Variants in FOXP2 observed in about 807,000 individuals in gnomAD.
The protein encoded by FOXP2 is forkhead box protein P2.
FOXP2 carries 12 observed loss-of-function variants against 115.8 expected under a neutral mutation model. That is an observed-to-expected ratio of 0.10 (90% CI 0.07 to 0.17). The LOEUF is 0.17. Among genes scored for constraint, FOXP2 ranks in the 10% least tolerant of loss-of-function variants. The pLI is 1.00. For synonymous variants in FOXP2, 328 were observed against 297.7 expected, an observed-to-expected ratio of 1.10 and a Z score of -1.05; for missense variants, 629 against 843.5, an observed-to-expected ratio of 0.75 and a Z score of 3.15.
At chr7:114,411,611 C>T (rs114573342), upstream of FOXP2, among the ~76,000 whole-genome samples, 33 of 152,046 alleles carry the variant, frequency 2.2e-4, no homozygotes, top group African/African-American at 5.8e-4. Flanking sequence ...TAAATGCCAC[C>T]GATTTAGTTT....
chr7:114,172,665 G>A (rs2129153219), intron 1 of FOXP2, among the ~76,000 whole-genome samples: 1 of 152,110 alleles, frequency 6.6e-6, no homozygotes, highest in African/African-American at 2.4e-5. Context: ...ATCTATAGGA[G>A]TACTTTAAAG....
intron 2 of FOXP2, among the ~76,000 whole-genome samples, chr7:114,403,041 C>T (rs1228250888): frequency 6.6e-6 from 1 of 152,154 alleles, no homozygotes; most frequent in Non-Finnish European, 1.5e-5. Flanking sequence ...TCCCTTATCT[C>T]AAGTCCTTGG....
At chr7:114,297,012 G>A (rs1436721862) in intron 2 of FOXP2, 1 of 243,778 alleles carries the variant, frequency 4.1e-6, no homozygotes, top group Non-Finnish European at 8.2e-6. Context: ...TGTTTCACAG[G>A]TGATGATTTA....
intron 2 of FOXP2, among the ~76,000 whole-genome samples, chr7:114,529,734 T>G (rs1799046815): frequency 6.6e-6 from 1 of 151,876 alleles, no homozygotes; most frequent in Non-Finnish European, 1.5e-5. Context: ...TTCACTCTGA[T>G]AGATTGCTAT....
intron 1 of FOXP2, among the ~76,000 whole-genome samples, chr7:114,263,082 A>T (rs145295300): frequency 7.9e-5 from 12 of 152,152 alleles, no homozygotes; most frequent in Non-Finnish European, 1.6e-4. Context: ...TATTTCTTTG[A>T]CCTAATTTTC....
At chr7:114,586,586 CTTTTA>C (rs1441255678) in intron 3 of FOXP2, among the ~76,000 whole-genome samples, 2 of 151,782 alleles carry the variant, frequency 1.3e-5, no homozygotes, top group East Asian at 1.9e-4. Flanking sequence ...GAACTATTTG[CTTTTA>C]TTTAATTTTT....
intron 1 of FOXP2, among the ~76,000 whole-genome samples, chr7:114,286,005 A>T (rs1328694685): frequency 3.9e-5 from 6 of 151,940 alleles, no homozygotes; most frequent in Admixed American, 2.6e-4. Flanking sequence ...AAGTTGTTAC[A>T]TGTGTGTCTC....
At chr7:114,642,779 A>ATATATATATAT (rs1491273950) in intron 7 of FOXP2, among the ~76,000 whole-genome samples, 156 bp downstream of exon 7, 52 of 91,168 alleles carry the variant, frequency 5.7e-4, no homozygotes, top group East Asian at 1.3e-3. Context: ...TTTTATATAT[A>ATATATATATAT]ATATATATAT....
At chr7:114,606,799 C>T (rs1803357721) in intron 3 of FOXP2, among the ~76,000 whole-genome samples, 1 of 152,168 alleles carries the variant, frequency 6.6e-6, no homozygotes, top group Non-Finnish European at 1.5e-5. Context: ...TATTAACAAT[C>T]AAATTAGAGG....
At chr7:114,477,664 C>A (rs1796341132) in intron 2 of FOXP2, among the ~76,000 whole-genome samples, 2 of 151,666 alleles carry the variant, frequency 1.3e-5, no homozygotes, top group Admixed American at 1.3e-4. Flanking sequence ...AGTAATCTCT[C>A]TATATATAAA....
intron 1 of FOXP2, among the ~76,000 whole-genome samples, chr7:114,103,297 G>A (rs932037197): frequency 6.6e-6 from 1 of 152,052 alleles, no homozygotes; most frequent in African/African-American, 2.4e-5. Context: ...TGGGACATTG[G>A]GAAGCTGATT....
At chr7:114,484,562 T>C (rs1286806532) in intron 2 of FOXP2, among the ~76,000 whole-genome samples, 1 of 151,932 alleles carries the variant, frequency 6.6e-6, no homozygotes, top group East Asian at 1.9e-4. Context: ...AAACATTTCT[T>C]TCAGAGCGGT....
chr7:114,469,663 C>T (rs1051611912), intron 2 of FOXP2, among the ~76,000 whole-genome samples: 2 of 152,108 alleles, frequency 1.3e-5, no homozygotes, highest in African/African-American at 4.8e-5. Flanking sequence ...CATTAGGAAG[C>T]AATGAAGATT....
chr7:114,425,252 T>C (rs1793792594), intron 1 of FOXP2, among the ~76,000 whole-genome samples: 1 of 151,500 alleles, frequency 6.6e-6, no homozygotes, highest in Non-Finnish European at 1.5e-5. Context: ...AAAAAACAAA[T>C]TAGATTGAGT....
intron 1 of FOXP2, among the ~76,000 whole-genome samples, chr7:114,281,367 C>G (rs1796334126): frequency 6.6e-6 from 1 of 151,832 alleles, no homozygotes; most frequent in Non-Finnish European, 1.5e-5. Context: ...CTCCCAAAGT[C>G]TGGGATTACA....
upstream of FOXP2, among the ~76,000 whole-genome samples, chr7:114,087,582 G>T (rs957289385): frequency 2.0e-5 from 3 of 149,474 alleles, no homozygotes; most frequent in Non-Finnish European, 4.5e-5. Flanking sequence ...CGGGCAGAGC[G>T]CGGGTCCGAA....
At chr7:114,228,473 A>T (rs2129165306) in intron 1 of FOXP2, among the ~76,000 whole-genome samples, 1 of 152,078 alleles carries the variant, frequency 6.6e-6, no homozygotes, top group East Asian at 1.9e-4. Context: ...ACACTTAGAA[A>T]ATAGCTGGTG....
chr7:114,656,428 T>A (rs989400838), intron 10 of FOXP2: 6 of 427,772 alleles, frequency 1.4e-5, no homozygotes, highest in African/African-American at 1.2e-4. Flanking sequence ...TGTTCTGATG[T>A]TGATATTTTA....
At chr7:114,334,951 A>T in intron 2 of FOXP2, among the ~76,000 whole-genome samples, 1 of 144,932 alleles carries the variant, frequency 6.9e-6, no homozygotes, top group African/African-American at 2.5e-5. Flanking sequence ...ATATATATAT[A>T]TATATATAGA....
Sources: gnomAD v4.1 joint callset for allele counts (sites outside exome capture counted in the v4.1 genomes callset) on GRCh38, gnomAD v4.1.1 for gene constraint, MANE v1.5 for transcripts, NCBI Gene and HGNC (gene_info 2026-07-23, HGNC 2026-07-21) for gene names.